The following DYM variants were observed in gnomAD, a reference collection of about 807,000 sequenced individuals.
DYM encodes dyggve-Melchior-Clausen syndrome protein.
In DYM, 78 loss-of-function variants were observed where a neutral mutation model predicts 93.1. That is an observed-to-expected ratio of 0.84 (90% confidence interval 0.70 to 1.01). The LOEUF is 1.01. Ranked by LOEUF, DYM falls within the 50% of genes least tolerant of loss-of-function variation. The pLI is 0.00. For synonymous variants in DYM, 321 were observed against 319.7 expected (o/e 1.00, Z -0.04); for missense variants, 789 against 845.0 (o/e 0.93, Z 0.82).
At chr18:49,117,795 T>C (rs1445156044) in intron 16 of DYM, among the ~76,000 whole-genome samples, 2 of 152,162 alleles carry the variant, frequency 1.3e-5, no homozygotes, top group African/African-American at 4.8e-5. Flanking sequence ...GTGCTCTCCT[T>C]TGGTTAAGCC....
chr18:49,337,859 G>A (rs2063787657), intron 6 of DYM, among the ~76,000 whole-genome samples: 1 of 152,064 alleles, frequency 6.6e-6, no homozygotes, highest in Admixed American at 6.5e-5. Context: ...CAAGAAGAAG[G>A]GGAAGGGCAT....
At chr18:49,060,665 A>AGAGGG (rs2075885347) in intron 17 of DYM, among the ~76,000 whole-genome samples, 2 of 17,174 alleles carry the variant, frequency 1.2e-4, no homozygotes, top group African/African-American at 2.4e-4. Context: ...GGGGGAGAGG[A>AGAGGG]GGAGAGGGGA....
chr18:49,393,267 A>C (rs2069613213), intron 2 of DYM, among the ~76,000 whole-genome samples: 1 of 152,148 alleles, frequency 6.6e-6, no homozygotes, highest in Non-Finnish European at 1.5e-5. Flanking sequence ...AAAATATGGC[A>C]GTTCCTCAAA....
chr18:49,211,977 C>A (rs1284232068), intron 13 of DYM, among the ~76,000 whole-genome samples: 1 of 152,082 alleles, frequency 6.6e-6, no homozygotes, highest in Non-Finnish European at 1.5e-5. Flanking sequence ...GCACTTTAAA[C>A]AAGGGATCAC....
At chr18:49,362,097 T>C (rs143902115) in intron 6 of DYM, among the ~76,000 whole-genome samples, 50 of 151,276 alleles carry the variant, frequency 3.3e-4, no homozygotes, top group Non-Finnish European at 5.9e-4. Context: ...AACTCCTGCA[T>C]CCAAACAATA....
At chr18:49,313,418 G>A (rs1323902104) in intron 8 of DYM, among the ~76,000 whole-genome samples, 25 of 119,542 alleles carry the variant, frequency 2.1e-4, no homozygotes, top group Non-Finnish European at 3.1e-4. Flanking sequence ...AGCCAAGGTC[G>A]CACCACTGAA....
intron 13 of DYM, among the ~76,000 whole-genome samples, chr18:49,212,417 T>C (rs745695198): frequency 2.0e-5 from 3 of 152,030 alleles, no homozygotes; most frequent in Non-Finnish European, 2.9e-5. Flanking sequence ...ACAAACACAA[T>C]AGTAAAGCAA....
intron 8 of DYM, among the ~76,000 whole-genome samples, chr18:49,288,582 C>A (rs1463457500): frequency 6.6e-6 from 1 of 151,932 alleles, no homozygotes; most frequent in Non-Finnish European, 1.5e-5. Flanking sequence ...AGTTCGAGAC[C>A]AGCCTGGACA....
intron 11 of DYM, among the ~76,000 whole-genome samples, chr18:49,263,181 C>T (rs894363482): frequency 1.3e-5 from 2 of 151,702 alleles, no homozygotes; most frequent in Non-Finnish European, 1.5e-5. Flanking sequence ...TGCAATGGCA[C>T]GATCTCGGCT....
chr18:49,318,722 C>T (rs1382731854), intron 8 of DYM, among the ~76,000 whole-genome samples: 1 of 151,918 alleles, frequency 6.6e-6, no homozygotes, highest in Non-Finnish European at 1.5e-5. Context: ...AGTGATAACC[C>T]CACAATTTTT....
intron 9 of DYM, among the ~76,000 whole-genome samples, chr18:49,284,816 T>C (rs575390840): frequency 2.7e-4 from 41 of 152,304 alleles, no homozygotes; most frequent in African/African-American, 9.9e-4. Context: ...TTTGTAAAAT[T>C]GTTATTAATT....
At chr18:49,315,831 G>A (rs1186824925) in intron 8 of DYM, among the ~76,000 whole-genome samples, 1 of 151,972 alleles carries the variant, frequency 6.6e-6, no homozygotes, top group African/African-American at 2.4e-5. Flanking sequence ...CCATATAATT[G>A]GAACCCTGTG....
In DYM at chr18:49,277,874, G is replaced by A. The variant is rs938611368; in HGVS notation, c.1125+4123C>T. ...ACTGACTAAGACATAGGTATTTGGC[G>A]GTTTAAAGAATAAAGAGATGAACAG... On this transcript the variant is annotated intron_variant, in intron 10 of 17. Transcript: ENST00000675505. Among the ~76,000 whole-genome samples the A allele has an allele frequency of 3.3e-5, 5 of 152,174 alleles. No homozygotes were observed. In the South Asian group the frequency reaches 6.2e-4, roughly 19 times the overall value.
At chr18:49,254,228 A>G (rs1277116763) in intron 13 of DYM, among the ~76,000 whole-genome samples, 1 of 150,330 alleles carries the variant, frequency 6.7e-6, no homozygotes, top group Admixed American at 6.6e-5. Flanking sequence ...TAATATTAAG[A>G]TATAATAATA....
intron 17 of DYM, among the ~76,000 whole-genome samples, chr18:49,074,395 T>C (rs969660060): frequency 6.6e-6 from 1 of 152,186 alleles, no homozygotes; most frequent in African/African-American, 2.4e-5. Context: ...TATTTTATAT[T>C]ATGGACTTGA....
At chr18:49,079,282 A>G (rs1039376393) in intron 17 of DYM, among the ~76,000 whole-genome samples, 8 of 152,204 alleles carry the variant, frequency 5.3e-5, no homozygotes, top group Non-Finnish European at 1.2e-4. Context: ...GTCTTGGGGT[A>G]GAAAACTTGA....
chr18:49,458,649 C>CT lies in DYM; in HGVS notation c.-54+1748_-54+1749insA, dbSNP rs1347065089. Among the ~76,000 whole-genome samples, 8 of 152,158 alleles carry CT rather than the reference C, an allele frequency of 5.3e-5. No individual in the cohort carries two copies. The South Asian group carries it at 1.5e-3, about 28-fold the overall frequency. On this transcript the variant is annotated intron_variant, in intron 1 of 17. Transcript: ENST00000675505. ...CTCAGGAGTTCGTGACCAGCCTGAG[C>CT]AACATGATGAGACCCCCGTCTCTAC... is the stretch of plus-strand genomic sequence containing the variant.
intron 2 of DYM, among the ~76,000 whole-genome samples, chr18:49,417,145 G>T (rs921590898): frequency 6.6e-6 from 1 of 152,112 alleles, no homozygotes; most frequent in African/African-American, 2.4e-5. Context: ...GGTAGCGGTG[G>T]TGTTGGTGGT....
intron 13 of DYM, among the ~76,000 whole-genome samples, chr18:49,226,813 T>C (rs1342929480): frequency 6.6e-6 from 1 of 152,066 alleles, no homozygotes; most frequent in Non-Finnish European, 1.5e-5. Flanking sequence ...AGATGCCAAA[T>C]TGGTTCCAGT....
Sources: allele counts gnomAD v4.1 joint callset (sites outside exome capture counted in the v4.1 genomes callset), GRCh38; gene constraint gnomAD v4.1.1; transcripts MANE v1.5; gene names NCBI Gene and HGNC (gene_info 2026-07-23, HGNC 2026-07-21).